Variants in NTM observed in about 807,000 individuals in gnomAD.
NTM encodes IgLON family member 2.
Under a neutral mutation model 42.1 loss-of-function variants are expected in NTM, and 13 were observed. The observed-to-expected ratio is 0.31, with a 90% CI of 0.20 to 0.49. NTM has a LOEUF of 0.49. NTM is among the 20% of genes least tolerant of loss of function. The probability of loss-of-function intolerance (pLI) is 0.99; values close to 1 mark genes in which losing one functional copy is unlikely to be tolerated. For missense variants in NTM, 373 were observed against 452.8 expected, an observed-to-expected ratio of 0.82 and a Z score of 1.60; for synonymous variants, 187 against 179.2, an observed-to-expected ratio of 1.04 and a Z score of -0.35.
intron 1 of NTM, among the ~76,000 whole-genome samples, chr11:131,686,924 T>A (rs1032858655): frequency 7.9e-5 from 12 of 152,330 alleles, no homozygotes; most frequent in African/African-American, 2.9e-4. Context: ...TAACCCAGAC[T>A]TGACCTGCCA....
At chr11:132,195,787 C>T (rs911832104) in intron 3 of NTM, among the ~76,000 whole-genome samples, 3 of 152,140 alleles carry the variant, frequency 2.0e-5, no homozygotes, top group Non-Finnish European at 1.5e-5. Flanking sequence ...TTTCTTTTAC[C>T]ATATACAAAA....
intron 2 of NTM, among the ~76,000 whole-genome samples, chr11:131,918,158 C>G (rs534979608): frequency 6.6e-6 from 1 of 152,216 alleles, no homozygotes; most frequent in East Asian, 1.9e-4. Flanking sequence ...CGTAAGGAGG[C>G]CTTCCAGAAG....
chr11:131,398,650 A>G (rs182671752), intron 1 of NTM, among the ~76,000 whole-genome samples: 5 of 152,302 alleles, frequency 3.3e-5, no homozygotes, highest in Non-Finnish European at 7.4e-5. Context: ...TGTTTCAGTG[A>G]ACATCTCCAT....
intron 1 of NTM, among the ~76,000 whole-genome samples, chr11:131,395,261 G>A (rs1007147463): frequency 6.6e-6 from 1 of 152,142 alleles, no homozygotes; most frequent in Non-Finnish European, 1.5e-5. Flanking sequence ...AAGTCCCCAA[G>A]GAAACTGATA....
At chr11:131,471,769 G>A (rs1019660786) in intron 1 of NTM, among the ~76,000 whole-genome samples, 2 of 152,192 alleles carry the variant, frequency 1.3e-5, no homozygotes, top group Non-Finnish European at 2.9e-5. Context: ...GAATGAGAGG[G>A]TGGAAGAGCT....
At chr11:132,144,166 C>T (rs1043024862) in intron 2 of NTM, among the ~76,000 whole-genome samples, 6 of 152,182 alleles carry the variant, frequency 3.9e-5, no homozygotes, top group African/African-American at 1.2e-4. Context: ...CTCAGTGCTT[C>T]TTAAACCCTA....
chr11:131,622,918 G>A (rs1198986428), intron 1 of NTM, among the ~76,000 whole-genome samples: 1 of 152,152 alleles, frequency 6.6e-6, no homozygotes, highest in Non-Finnish European at 1.5e-5. Context: ...TTCCGTCCAG[G>A]TGCTCTCATT....
rs566749489 is a variant in NTM, at chr11:131,977,091, A to G, written c.167+65443A>G. ...CTTTCTATGCATACATGCATATTGG[A>G]AATCAAATATATTTGGCTTATCACA... On this transcript the variant is annotated intron_variant, in intron 2 of 8. Transcript: ENST00000683400. Among the ~76,000 whole-genome samples, 3 of 152,322 alleles carry G rather than the reference A, an allele frequency of 2.0e-5. No homozygotes were observed. In the South Asian group the frequency reaches 6.2e-4, roughly 32 times the overall value.
intron 1 of NTM, among the ~76,000 whole-genome samples, chr11:131,590,184 C>G (rs1459424495): frequency 6.6e-6 from 1 of 152,198 alleles, no homozygotes; most frequent in African/African-American, 2.4e-5. Context: ...CCTCCCCAGT[C>G]AAAAGTCATC....
chr11:131,483,811 G>A (rs1293028400), intron 1 of NTM, among the ~76,000 whole-genome samples: 2 of 152,250 alleles, frequency 1.3e-5, no homozygotes, highest in Admixed American at 1.3e-4. Flanking sequence ...GGGAAGCAGA[G>A]CCTGTCTTCT....
intron 3 of NTM, among the ~76,000 whole-genome samples, chr11:132,159,607 G>A (rs1258889657): frequency 1.3e-5 from 2 of 152,160 alleles, no homozygotes; most frequent in Non-Finnish European, 2.9e-5. Flanking sequence ...CTATTTGAAA[G>A]CAGAAAGGAG....
At chr11:132,093,968 A>G (rs1269729065) in intron 2 of NTM, among the ~76,000 whole-genome samples, 7 of 152,340 alleles carry the variant, frequency 4.6e-5, no homozygotes, top group African/African-American at 1.7e-4. Flanking sequence ...CAGCGCAGCT[A>G]CGTGGTGAAG....
chr11:131,789,636 A>AGAAGAAGAAGAAAAG (rs1555127949), intron 1 of NTM, among the ~76,000 whole-genome samples: 4 of 30,898 alleles, frequency 1.3e-4, no homozygotes, highest in Non-Finnish European at 2.9e-4. Flanking sequence ...AAGAAGAAGA[A>AGAAGAAGAAGAAAAG]AAGAAGAAGA....
intron 1 of NTM, among the ~76,000 whole-genome samples, chr11:131,804,123 A>T (rs1191735444): frequency 4.6e-5 from 7 of 152,170 alleles, no homozygotes; most frequent in Admixed American, 4.6e-4. Context: ...CACCACCTGC[A>T]TCCTAGTTTG....
chr11:132,307,729 G>C lies in NTM; in HGVS notation c.567G>C (p.Gln189His). ...GTGAAGACGAATACTTGGAAATTCAGGGCATCACCAGGGAGCAGTCAGGGG... is the reference window on the plus strand; with the variant it reads ...GTGAAGACGAATACTTGGAAATTCACGGCATCACCAGGGAGCAGTCAGGGG... ...FVSEDEYLEI[Q>H]GITREQSGDY... The change falls in exon 5 of 9, where the codon CAG becomes CAC. Residue 189 changes from glutamine to histidine, a missense_variant. Physicochemically the swap from Gln to His is conservative, Grantham distance 24. Coordinates refer to ENST00000683400, the MANE Select transcript of NTM (RefSeq NM_001352005.2). The C allele has an allele frequency of 6.2e-7, 1 of 1,614,206 alleles. No homozygotes were observed. Among genetic ancestry groups the C allele is most frequent in the Non-Finnish European group, 8.5e-7 (1 of 1,180,034 alleles).
At chr11:132,139,848 A>G (rs1643883486) in intron 2 of NTM, among the ~76,000 whole-genome samples, 1 of 152,168 alleles carries the variant, frequency 6.6e-6, no homozygotes, top group Non-Finnish European at 1.5e-5. Flanking sequence ...ACAGATATTT[A>G]TTGTGTGCCT....
intron 2 of NTM, among the ~76,000 whole-genome samples, chr11:132,035,481 T>A (rs1331579669): frequency 6.6e-6 from 1 of 152,240 alleles, no homozygotes; most frequent in Non-Finnish European, 1.5e-5. Flanking sequence ...TGCCTCTGCA[T>A]AATGGTCCCA....
chr11:131,771,831 A>G (rs1320836919), intron 1 of NTM, among the ~76,000 whole-genome samples: 3 of 152,192 alleles, frequency 2.0e-5, no homozygotes, highest in African/African-American at 4.8e-5. Context: ...TTAACAGTCT[A>G]TTGGTAGTAG....
intron 1 of NTM, among the ~76,000 whole-genome samples, chr11:131,692,949 G>T (rs933839585): frequency 9.9e-5 from 15 of 152,206 alleles, no homozygotes; most frequent in Non-Finnish European, 2.2e-4. Flanking sequence ...AATGAATTTA[G>T]CTGGGATTCT....
Sources: allele counts gnomAD v4.1 joint callset (sites outside exome capture counted in the v4.1 genomes callset), GRCh38; gene constraint gnomAD v4.1.1; transcripts MANE v1.5; gene names NCBI Gene and HGNC (gene_info 2026-07-23, HGNC 2026-07-21).